The following SZT2 variants were observed in gnomAD, a reference collection of about 807,000 sequenced individuals.
SZT2 encodes KICSTOR complex protein SZT2.
SZT2 carries 216 observed loss-of-function variants against 404.2 expected under a neutral mutation model. That is an observed-to-expected ratio of 0.53 (90% CI 0.48 to 0.60). SZT2 has a LOEUF of 0.60. SZT2 is among the 20% of genes least tolerant of loss of function. SZT2 has a pLI of 0.00. For synonymous variants in SZT2, 1,693 were observed against 1,749.9 expected (o/e 0.97, Z 0.81); for missense variants, 3,857 against 4,459.2 (o/e 0.86, Z 3.85).
chr1:43,402,549 T>C (rs1649803824), intron 1 of SZT2, among the ~76,000 whole-genome samples: 1 of 152,102 alleles, frequency 6.6e-6, no homozygotes, highest in Non-Finnish European at 1.5e-5. Flanking sequence ...TGACAGGACA[T>C]GTGTAGTGGA....
chr1:43,434,491 G>A lies in SZT2; in HGVS notation c.5904+6G>A, dbSNP rs1489688440. The A allele has an allele frequency of 1.9e-6, 3 of 1,587,628 alleles. No homozygotes were observed. Among genetic ancestry groups the A allele is most frequent in the Admixed American group, 1.8e-5 (1 of 54,408 alleles). ...TCTGCAGGGAGGTCAACCAGGTAAG[G>A]GGCAGGACTCTCCAGACCCGGACAC... On this transcript the variant is annotated splice_donor_region_variant and intron_variant, in intron 41 of 71. Transcript: ENST00000634258.
intron 1 of SZT2, among the ~76,000 whole-genome samples, chr1:43,395,764 T>TAGGACC (rs1405889732): frequency 1.3e-5 from 2 of 152,248 alleles, no homozygotes; most frequent in Non-Finnish European, 2.9e-5. Flanking sequence ...ATTGTATCAT[T>TAGGACC]AGGACCCAGC....
Position 43,448,277 on chromosome 1 carries a change from G to A in SZT2, c.9762G>A (p.Glu3254=). ...CTCTGTTCCCACCACTGGCTGCAGA[G>A]GTGGGCATGGCACGAGCACGGCTGG... ...PAPLFPPLAA[E]VGMARARLAQ... is the part of the protein sequence containing the mutation. The change falls in exon 69 of 72, where the codon GAG becomes GAA. Residue 3254 remains glutamate, a synonymous_variant. Coordinates refer to ENST00000634258, the MANE Select transcript of SZT2 (RefSeq NM_001365999.1). This position sits in a 1 kb window ranked among gnomAD's most constrained non-coding sequence, Gnocchi z 4.2. 6.4e-7 allele frequency: 1 copy of A among 1,567,378 alleles called. No homozygotes were observed. Among genetic ancestry groups the A allele is most frequent in the South Asian group, 1.2e-5 (1 of 86,066 alleles).
chr1:43,428,740 G>C, intron 28 of SZT2: 1 of 507,344 alleles, frequency 2.0e-6, no homozygotes, highest in South Asian at 2.4e-5. Context: ...GGGATAGGGA[G>C]TCCCCTGGTG....
At position 43,448,165 on chromosome 1, in the gene SZT2, G is replaced by T. The variant is rs1176157236; in HGVS notation, c.9650G>T (p.Arg3217Ile). 6.2e-7 allele frequency: 1 copy of T among 1,611,970 alleles called. No individual in the cohort carries two copies. The highest frequency in any genetic ancestry group is 8.5e-7 in the Non-Finnish European group (1 of 1,178,696). Residue 3217 changes from arginine (R) to isoleucine (I), a missense_variant, in exon 69 of 72, where the codon AGA (arginine) becomes ATA (isoleucine). Arg to Ile is a moderately conservative substitution (Grantham distance 97, BLOSUM62 -3). Around this residue, in one of 7 missense-constraint regions of SZT2, gnomAD observed 717 missense variants for 868.2 expected, o/e 0.83. Coordinates refer to ENST00000634258, the MANE Select transcript of SZT2 (RefSeq NM_001365999.1). The surrounding 1 kb of genome is among the most constrained non-coding windows in gnomAD (Gnocchi z 4.2). ...ATGCGCCGCTTCCGGAAGCCACCCA[G>T]ACTGCCCCCTGAGCCAGAGGCTCCT... is the stretch of plus-strand genomic sequence containing the variant. ...ADMRRFRKPP[R>I]LPPEPEAPGS...
Position 43,439,062 on chromosome 1 carries a change from A to C in SZT2, c.6761A>C (p.Tyr2254Ser). ...CTCATCTTCCTGCACTCTCCCAAGT[A>C]CACAGATAGCAACAGCCGGAACCAC... is the stretch of plus-strand genomic sequence containing the variant. ...NLLIFLHSPK[Y>S]TDSNSRNHFQ... The change falls in exon 48 of 72, where the codon TAC becomes TCC. Residue 2254 changes from tyrosine to serine, a missense_variant. By Grantham distance (144) the Tyr-to-Ser change is moderately radical. This residue lies in a region of SZT2 where 261 missense variants were observed against 372.9 expected (regional missense o/e 0.70). Transcript: ENST00000634258. The surrounding 1 kb of genome is among the most constrained non-coding windows in gnomAD (Gnocchi z 4.2). The C allele has an allele frequency of 6.2e-7, 1 of 1,614,214 alleles. No individual in the cohort carries two copies.
At position 43,441,456 on chromosome 1, in the gene SZT2, T is replaced by TA; in HGVS notation, c.7512-47dup. On this transcript the variant is annotated intron_variant, in intron 53 of 71. Transcript: ENST00000634258. This position sits in a 1 kb window ranked among gnomAD's most constrained non-coding sequence, Gnocchi z 4.8. The stretch of plus-strand genomic sequence containing the variant: ...AGATGGGCCTTGGTCTGTATAAACA[T>TA]ACAAGTGTCATGTATGGACATGAGG... 6.2e-7 allele frequency: 1 copy of TA among 1,610,380 alleles called. No individual in the cohort carries two copies. Among genetic ancestry groups the TA allele is most frequent in the South Asian group, 1.1e-5 (1 of 90,410 alleles).
At position 43,416,612 on chromosome 1, in the gene SZT2, A is replaced by G; in HGVS notation, c.850A>G (p.Ser284Gly). The change falls in exon 7 of 72, where the codon AGT (serine) becomes GGT (glycine). Residue 284 changes from serine (S) to glycine (G), a missense_variant. By Grantham distance (56) the Ser-to-Gly change is moderately conservative. Transcript: ENST00000634258. ...TGAGACACTGCTGAACCAGCTTCGCAGTGGCACTGTGGCTTGTTCCTTTGT... is the reference window on the plus strand; with the variant it reads ...TGAGACACTGCTGAACCAGCTTCGCGGTGGCACTGTGGCTTGTTCCTTTGT... The part of the protein sequence containing the change: ...VCETLLNQLR[S>G]GTVACSFVQV... The G allele has an allele frequency of 6.3e-7, 1 of 1,598,194 alleles. No homozygotes were observed. Among genetic ancestry groups the G allele is most frequent in the South Asian group, 1.1e-5 (1 of 90,982 alleles).
chr1:43,435,729 T>G, intron 42 of SZT2: 1 of 166,898 alleles, frequency 6.0e-6, no homozygotes, highest in Non-Finnish European at 1.3e-5. Flanking sequence ...CTTGTTTATA[T>G]TCTATAGGGA....
In SZT2 at chr1:43,436,917, T is replaced by G. The variant is rs564927344; in HGVS notation, c.6035-254T>G. The G allele has an allele frequency of 2.5e-3, 1,341 of 532,970 alleles. 7 individuals carry two copies. Among genetic ancestry groups the G allele is most frequent in the Non-Finnish European group, 3.7e-3 (1,109 of 301,070 alleles). The allele number at this position is 532,970 out of a possible 1,614,324, so 33.0% of individuals were successfully genotyped here. ...GGATTTCCTCATGCTTTGCCTGCCT[T>G]GATACCTCTCATTAGCTCCTTCTCT... On this transcript the variant is annotated intron_variant, in intron 42 of 71. Coordinates refer to ENST00000634258, the MANE Select transcript of SZT2 (RefSeq NM_001365999.1).
Position 43,442,335 on chromosome 1 carries a change from G to T in SZT2, c.7941G>T (p.Gln2647His). 6.2e-7 allele frequency: 1 copy of T among 1,614,188 alleles called. No homozygotes were observed. The highest frequency in any genetic ancestry group is 1.3e-5 in the African/African-American group (1 of 75,058). ...GCTCAGGGCGAAATGCTCCCCGGCA[G>T]AGGCTCTTGCTACTAGAGGTTGTGG... ...DGSSGRNAPR[Q>H]RLLLLEVVDK... is the part of the protein sequence containing the mutation. Residue 2647 changes from glutamine to histidine, a missense_variant, in exon 57 of 72, where the codon CAG (glutamine) becomes CAT (histidine). Physicochemically the swap from Gln to His is conservative, Grantham distance 24 (BLOSUM62 0). Transcript: ENST00000634258. The surrounding 1 kb of genome is among the most constrained non-coding windows in gnomAD (Gnocchi z 4.5).
Position 43,448,029 on chromosome 1 carries a change from G to C in SZT2, c.9564-50G>C. ...TTCCCAGCCTGCCCCACCCTGCCCT[G>C]TGTGTCTCTTGCTACAACCACCACT... On this transcript the variant is annotated intron_variant, in intron 68 of 71. Coordinates refer to ENST00000634258, the MANE Select transcript of SZT2 (RefSeq NM_001365999.1). The surrounding 1 kb of genome is among the most constrained non-coding windows in gnomAD (Gnocchi z 4.2). The C allele has an allele frequency of 6.2e-7, 1 of 1,610,366 alleles. No individual in the cohort carries two copies. Among genetic ancestry groups the C allele is most frequent in the South Asian group, 1.1e-5 (1 of 90,892 alleles).
chr1:43,442,861 C>G lies in SZT2; in HGVS notation c.8194C>G (p.Leu2732Val), dbSNP rs1288068293. 1.9e-6 allele frequency: 3 copies of G among 1,612,584 alleles called. No homozygotes were observed. Among genetic ancestry groups the G allele is most frequent in the East Asian group, 2.2e-5 (1 of 44,870 alleles). ...GCTGCCGACCATGGAAGTGGAGACC[C>G]TCATCCGGAGTGCAAGTCCCCCGCT... The part of the protein sequence containing the change: ...FLLPTMEVET[L>V]IRSASPPLSR... Residue 2732 changes from leucine (L) to valine (V), a missense_variant, in exon 59 of 72, where the codon CTC becomes GTC. Physicochemically the swap from Leu to Val is conservative, Grantham distance 32. Around this residue, in one of 7 missense-constraint regions of SZT2, gnomAD observed 573 missense variants for 592.4 expected, o/e 0.97. Coordinates refer to ENST00000634258, the MANE Select transcript of SZT2 (RefSeq NM_001365999.1). The surrounding 1 kb of genome is among the most constrained non-coding windows in gnomAD (Gnocchi z 4.5).
Position 43,441,137 on chromosome 1 carries a change from C to G in SZT2, c.7345-77C>G. 6.5e-7 allele frequency: 1 copy of G among 1,542,030 alleles called. No homozygotes were observed. The highest frequency in any genetic ancestry group is 8.8e-7 in the Non-Finnish European group (1 of 1,133,868). On this transcript the variant is annotated intron_variant, in intron 52 of 71. Transcript: ENST00000634258. The surrounding 1 kb of genome is among the most constrained non-coding windows in gnomAD (Gnocchi z 4.8). ...CAGACCTCTGAATCCTCCTAGCTCA[C>G]TGCTGTTCCATAGTGCCCCCATCCC...
In SZT2 at chr1:43,421,895, TCA is replaced by T. The variant is rs148623460; in HGVS notation, c.1627-187_1627-186del. On this transcript the variant is annotated intron_variant, in intron 11 of 71. Transcript: ENST00000634258. Reference sequence around the variant, plus strand: ...AGGGCTACACAGTCTGTCCCTGGGCTCAGTCATCCAAATCTAGCCTTCATAGT... The same window carrying T: ...AGGGCTACACAGTCTGTCCCTGGGCTGTCATCCAAATCTAGCCTTCATAGT... Among the ~76,000 whole-genome samples, 1,078 of 152,366 alleles carry T rather than the reference TCA, an allele frequency of 7.1e-3. 8 individuals are homozygous for T. Among genetic ancestry groups the T allele is most frequent in the African/African-American group, 0.025 (1,023 of 41,594 alleles).
rs1457222520 is a variant in SZT2, at chr1:43,439,386, C to G, written c.6821C>G (p.Pro2274Arg). 5 of 1,613,780 alleles carry G rather than the reference C, an allele frequency of 3.1e-6. No individual in the cohort carries two copies. Among genetic ancestry groups the G allele is most frequent in the Non-Finnish European group, 4.2e-6 (5 of 1,179,870 alleles). The change falls in exon 49 of 72, where the codon CCT becomes CGT. Residue 2274 changes from proline to arginine, a missense_variant. Pro to Arg is a moderately radical substitution (Grantham distance 103, BLOSUM62 -2). This residue lies in a region of SZT2 where 261 missense variants were observed against 372.9 expected (regional missense o/e 0.70). Transcript: ENST00000634258. This position sits in a 1 kb window ranked among gnomAD's most constrained non-coding sequence, Gnocchi z 4.2. Reference sequence around the variant, plus strand: ...CCACTCCCACCACAGGGTGGCCTCCCTGACTTGGACATCTACTTGTATAAC... The same window carrying G: ...CCACTCCCACCACAGGGTGGCCTCCGTGACTTGGACATCTACTTGTATAAC... ...QHPLPPQGGLPDLDIYLYNKP... is the reference protein window; with the variant it reads ...QHPLPPQGGLRDLDIYLYNKP...
At chr1:43,404,799 C>G (rs938507197) in intron 4 of SZT2, 1 of 387,416 alleles carries the variant, frequency 2.6e-6, no homozygotes, top group Admixed American at 4.6e-5. Flanking sequence ...TTTCACTGCT[C>G]CTGTAAATCT....
Position 43,418,131 on chromosome 1 carries a change from G to T in SZT2, c.879+1490G>T, listed in dbSNP as rs57453811. ...AGAGGTGGTGAGGGGATTGAAGAGT[G>T]GATAGAAGGAAGGAAATAGGGACAA... On this transcript the variant is annotated intron_variant, in intron 7 of 71. Coordinates refer to ENST00000634258, the MANE Select transcript of SZT2 (RefSeq NM_001365999.1). 6.7e-3 allele frequency among the ~76,000 whole-genome samples: 1,022 copies of T among 152,212 alleles called. 8 individuals are homozygous for T. The highest frequency in any genetic ancestry group is 0.023 in the African/African-American group (973 of 41,518).
rs889951501 is a variant in SZT2 at position 43,426,286 on chromosome 1, G to T, written c.3044-82G>T. ...GCAGGAGGAGCCCATGAGGCTGAAG[G>T]AGGGGCCAGCTGGTCAGGGCTGAGC... On this transcript the variant is annotated intron_variant, in intron 21 of 71. Transcript: ENST00000634258. The surrounding 1 kb of genome is among the most constrained non-coding windows in gnomAD (Gnocchi z 4.9). 4.3e-5 allele frequency: 64 copies of T among 1,499,442 alleles called. No individual in the cohort carries two copies. The highest frequency in any genetic ancestry group is 5.5e-5 in the African/African-American group (4 of 72,318). 92.9% of individuals were successfully genotyped at this position (1,499,442 alleles called of 1,614,324 possible).
Sources: allele counts gnomAD v4.1 joint callset (sites outside exome capture counted in the v4.1 genomes callset), GRCh38; gene constraint gnomAD v4.1.1; regional missense constraint gnomAD v4.1.1; non-coding constraint Gnocchi (gnomAD v3.1); transcripts MANE v1.5; gene names NCBI Gene and HGNC (gene_info 2026-07-23, HGNC 2026-07-21).